Variants in CRACD observed in about 807,000 individuals in gnomAD.
CRACD encodes the protein capping protein-inhibiting regulator of actin dynamics.
Under a neutral mutation model 106.8 loss-of-function variants are expected in CRACD, and 56 were observed. The ratio of observed to expected loss-of-function variants is 0.52; its 90% CI spans 0.42 to 0.66. CRACD has a LOEUF of 0.66. Among genes scored for constraint, CRACD ranks in the 30% least tolerant of loss-of-function variants. The pLI, the probability that CRACD is intolerant of heterozygous loss-of-function variation, is 0.00. For missense variants in CRACD, 1,730 were observed against 1,623.2 expected (o/e 1.07, Z -1.13); for synonymous variants, 754 against 670.8 (o/e 1.12, Z -1.92).
chr4:56,141,126 A>G (rs1189104457), intron 1 of CRACD, among the ~76,000 whole-genome samples: 2 of 152,192 alleles, frequency 1.3e-5, no homozygotes, highest in Non-Finnish European at 2.9e-5. Flanking sequence ...TACTTCTGGT[A>G]ACTACCACCA....
intron 2 of CRACD, among the ~76,000 whole-genome samples, chr4:56,252,271 A>G (rs4865078): frequency 0.09 from 13,741 of 152,148 alleles, 1,833 homozygotes; most frequent in East Asian, 0.61. Flanking sequence ...CTACACACAC[A>G]TACCACCATC....
rs1323658086 is a variant in CRACD at position 56,328,532 on chromosome 4, T to G, written c.*728T>G. The G allele has an allele frequency of 2.4e-6, 1 of 414,896 alleles. No homozygotes were observed. Among genetic ancestry groups the G allele is most frequent in the Admixed American group, 2.9e-5 (1 of 34,432 alleles). The allele number at this position is 414,896 out of a possible 1,614,324, so 25.7% of individuals were successfully genotyped here. A position where few individuals can be genotyped will look rare whatever the true frequency, so the allele number is the denominator to read the frequency against. On this transcript the variant is annotated 3_prime_UTR_variant, in exon 11 of 11. Transcript: ENST00000682029. ...TCCCAGGGAACATTTTAATTTAATG[T>G]AGTGAAGAAAGACAATTCTAGATCA...
intron 2 of CRACD, among the ~76,000 whole-genome samples, chr4:56,218,929 T>A (rs1738884396): frequency 6.6e-6 from 1 of 152,210 alleles, no homozygotes; most frequent in Admixed American, 6.5e-5. Context: ...CCATCTTTCT[T>A]GCTATTTGGC....
At chr4:56,131,498 A>C (rs1359499676) in intron 1 of CRACD, among the ~76,000 whole-genome samples, 1 of 152,184 alleles carries the variant, frequency 6.6e-6, no homozygotes, top group African/African-American at 2.4e-5. Flanking sequence ...TGGAACAATA[A>C]AGCTTTAAAT....
At chr4:56,124,227 T>A (rs1005881968) in intron 1 of CRACD, among the ~76,000 whole-genome samples, 3 of 152,220 alleles carry the variant, frequency 2.0e-5, no homozygotes, top group African/African-American at 7.2e-5. Context: ...CGTGAGCCAC[T>A]GTGCCCGGCC....
chr4:56,063,455 G>T (rs1012699621), intron 1 of CRACD, among the ~76,000 whole-genome samples: 1 of 152,158 alleles, frequency 6.6e-6, no homozygotes, highest in Non-Finnish European at 1.5e-5. Flanking sequence ...CATTCACAGT[G>T]TCAAGCAGGC....
intron 1 of CRACD, among the ~76,000 whole-genome samples, chr4:56,127,655 T>C (rs954525996): frequency 6.6e-6 from 1 of 152,176 alleles, no homozygotes; most frequent in Non-Finnish European, 1.5e-5. Context: ...GAGCATCCTC[T>C]GTTGTATAGC....
At chr4:56,061,823 A>G (rs1732288308) in intron 1 of CRACD, among the ~76,000 whole-genome samples, 1 of 152,222 alleles carries the variant, frequency 6.6e-6, no homozygotes, top group African/African-American at 2.4e-5. Context: ...AATGTCTTCC[A>G]GATCCAGCAT....
At chr4:56,135,422 G>C (rs918824299) in intron 1 of CRACD, among the ~76,000 whole-genome samples, 9 of 152,168 alleles carry the variant, frequency 5.9e-5, no homozygotes, top group African/African-American at 1.9e-4. Flanking sequence ...TCCAGGTAAG[G>C]GACTAGGCCA....
In CRACD at chr4:56,307,650, T is replaced by C. The variant is rs375684843; in HGVS notation, c.236T>C (p.Met79Thr). The change falls in exon 5 of 11, where the codon ATG (methionine) becomes ACG (threonine). Residue 79 changes from methionine to threonine, a missense_variant. Physicochemically the swap from Met to Thr is moderately conservative, Grantham distance 81 (BLOSUM62 -1). This residue lies in a region of CRACD where 1,620 missense variants were observed against 1,481.6 expected (regional missense o/e 1.09). Transcript: ENST00000682029. ...LEEDLFLTSP[M>T]EIVTQQDIVL... ...GAGGATCTGTTCCTGACCAGTCCCA[T>C]GGAAATTGTGACTCAGCAGGACATC... The C allele has an allele frequency of 9.9e-6, 16 of 1,614,080 alleles. No individual in the cohort carries two copies. Among genetic ancestry groups the C allele is most frequent in the Non-Finnish European group, 1.1e-5 (13 of 1,179,994 alleles).
At chr4:56,126,685 A>G (rs1446794621) in intron 1 of CRACD, among the ~76,000 whole-genome samples, 1 of 152,206 alleles carries the variant, frequency 6.6e-6, no homozygotes, top group African/African-American at 2.4e-5. Flanking sequence ...GTAGACCTAG[A>G]AAAATGCTTG....
chr4:56,080,664 G>A lies in CRACD; in HGVS notation c.-336+31365G>A, dbSNP rs552869040. Among the ~76,000 whole-genome samples, 19 of 152,332 alleles carry A rather than the reference G, an allele frequency of 1.2e-4. 1 individual carries two copies. In the South Asian group the frequency reaches 3.9e-3, roughly 32 times the overall value. On this transcript the variant is annotated intron_variant, in intron 1 of 10. Transcript: ENST00000682029. ...TTTGAACTTGAGTATTGTATGTGCT[G>A]TGGTAAATGGTGATAGCTTGCCAAC...
At chr4:56,303,427 T>G (rs1223683203) in intron 4 of CRACD, among the ~76,000 whole-genome samples, 1 of 150,402 alleles carries the variant, frequency 6.6e-6, no homozygotes, top group African/African-American at 2.5e-5. Context: ...TTTATCTCTC[T>G]GAAAACTTAA....
intron 2 of CRACD, among the ~76,000 whole-genome samples, chr4:56,244,799 A>G (rs138666174): frequency 5.9e-5 from 9 of 152,206 alleles, no homozygotes; most frequent in Non-Finnish European, 1.5e-5. Flanking sequence ...AAAGTTTTGA[A>G]TATAACTCCT....
At chr4:56,324,809 G>T (rs1746323845) in intron 10 of CRACD, among the ~76,000 whole-genome samples, 1 of 152,166 alleles carries the variant, frequency 6.6e-6, no homozygotes, top group South Asian at 2.1e-4. Flanking sequence ...CAAAGCCATG[G>T]TGTCCATAAA....
chr4:56,250,409 C>A (rs1389795383), intron 2 of CRACD, among the ~76,000 whole-genome samples: 1 of 152,168 alleles, frequency 6.6e-6, no homozygotes, highest in Admixed American at 6.5e-5. Flanking sequence ...CCTTACAAGT[C>A]AATAAGCTGT....
chr4:56,294,175 T>A (rs1743855787), intron 3 of CRACD, among the ~76,000 whole-genome samples: 1 of 150,984 alleles, frequency 6.6e-6, no homozygotes, highest in South Asian at 2.1e-4. Context: ...GCCCAGCAGC[T>A]ATGATTTAGC....
intron 2 of CRACD, among the ~76,000 whole-genome samples, chr4:56,215,785 A>G (rs895497435): frequency 6.6e-6 from 1 of 152,336 alleles, no homozygotes; most frequent in Admixed American, 6.5e-5. Flanking sequence ...TTCTAAATGC[A>G]TTATTGATTA....
intron 2 of CRACD, among the ~76,000 whole-genome samples, chr4:56,202,467 G>A (rs759073354): frequency 2.6e-4 from 39 of 152,084 alleles, no homozygotes; most frequent in Non-Finnish European, 5.0e-4. Context: ...GGCTGGTCTC[G>A]AACACCTCAC....
Sources: allele counts gnomAD v4.1 joint callset (sites outside exome capture counted in the v4.1 genomes callset), GRCh38; gene constraint gnomAD v4.1.1; regional missense constraint gnomAD v4.1.1; transcripts MANE v1.5; gene names NCBI Gene and HGNC (gene_info 2026-07-23, HGNC 2026-07-21).